Variants in XKR6 observed in about 807,000 individuals in gnomAD.
XKR6 encodes the protein XK related 6.
In XKR6, 22 loss-of-function variants were observed where a neutral mutation model predicts 56.7. The observed-to-expected ratio is 0.39, with a 90% confidence interval of 0.28 to 0.55. The LOEUF (loss-of-function observed/expected upper bound fraction) is 0.55. Among genes scored for constraint, XKR6 ranks in the 20% least tolerant of loss-of-function variants. The probability of loss-of-function intolerance (pLI) is 0.66; values close to 1 mark genes in which losing one functional copy is unlikely to be tolerated. For missense variants in XKR6, 852 were observed against 889.0 expected, an observed-to-expected ratio of 0.96 and a Z score of 0.53; for synonymous variants, 524 against 387.8, an observed-to-expected ratio of 1.35 and a Z score of -4.13.
At chr8:11,181,791 T>C (rs1434634696) in intron 1 of XKR6, among the ~76,000 whole-genome samples, 1 of 152,240 alleles carries the variant, frequency 6.6e-6, no homozygotes, top group Non-Finnish European at 1.5e-5. Flanking sequence ...ACTTGGCATG[T>C]ATTAATTCTT....
At chr8:10,942,741 C>A (rs544286927) in intron 1 of XKR6, among the ~76,000 whole-genome samples, 46 of 152,364 alleles carry the variant, frequency 3.0e-4, no homozygotes, top group African/African-American at 1.1e-3. Flanking sequence ...GATGCCCCAA[C>A]TTGCCAATCA....
intron 1 of XKR6, among the ~76,000 whole-genome samples, chr8:11,088,597 C>G (rs1195519536): frequency 1.3e-5 from 2 of 152,158 alleles, no homozygotes; most frequent in African/African-American, 4.8e-5. Context: ...GTGACAAAGA[C>G]AAGAGGGAGT....
chr8:11,082,902 C>T (rs1797771447), intron 1 of XKR6, among the ~76,000 whole-genome samples: 1 of 152,218 alleles, frequency 6.6e-6, no homozygotes, highest in South Asian at 2.1e-4. Context: ...TCAAGTATTT[C>T]TATTATTTCT....
chr8:10,989,115 G>C (rs891586976), intron 1 of XKR6, among the ~76,000 whole-genome samples: 3 of 152,362 alleles, frequency 2.0e-5, no homozygotes, highest in African/African-American at 7.2e-5. Context: ...CTGCAGCCTA[G>C]GAAGGGCATG....
chr8:11,006,001 G>A (rs1249481816), intron 1 of XKR6, among the ~76,000 whole-genome samples: 2 of 151,766 alleles, frequency 1.3e-5, no homozygotes, highest in Non-Finnish European at 2.9e-5. Context: ...CCGCTACCAC[G>A]CCTGGATAAT....
At chr8:10,977,318 A>G (rs1453128433) in intron 1 of XKR6, among the ~76,000 whole-genome samples, 2 of 152,014 alleles carry the variant, frequency 1.3e-5, no homozygotes, top group Non-Finnish European at 2.9e-5. Flanking sequence ...GGTCTCCCCC[A>G]TCCCAGGGAC....
chr8:10,943,871 C>G, intron 1 of XKR6, among the ~76,000 whole-genome samples: 1 of 152,092 alleles, frequency 6.6e-6, no homozygotes. Flanking sequence ...ATCTGCGAGC[C>G]CCATTTTACA....
intron 2 of XKR6, among the ~76,000 whole-genome samples, chr8:10,922,499 C>G (rs767444560): frequency 6.6e-6 from 1 of 152,244 alleles, no homozygotes; most frequent in Non-Finnish European, 1.5e-5. Context: ...AGCAAGAATG[C>G]GCATTTCAAA....
intron 1 of XKR6, among the ~76,000 whole-genome samples, chr8:11,049,071 T>C (rs911097491): frequency 1.4e-4 from 22 of 152,176 alleles, no homozygotes; most frequent in African/African-American, 4.8e-4. Flanking sequence ...CCTGCTGAAG[T>C]GGCTGGCCTT....
intron 1 of XKR6, among the ~76,000 whole-genome samples, chr8:11,050,321 T>C (rs1406763861): frequency 2.0e-5 from 3 of 152,030 alleles, no homozygotes; most frequent in Non-Finnish European, 4.4e-5. Context: ...TCACATTAAG[T>C]CCTGGTTGGA....
At position 11,030,884 on chromosome 8, in the gene XKR6, C is replaced by G. The variant is rs149932698; in HGVS notation, c.765-106054G>C. 2.2e-4 allele frequency among the ~76,000 whole-genome samples: 34 copies of G among 152,326 alleles called. No homozygotes were observed. In the East Asian group the frequency reaches 6.6e-3, roughly 29 times the overall value. On this transcript the variant is annotated intron_variant, in intron 1 of 2. Transcript: ENST00000416569. ...CCTCATTGACCACCTATGTCACTAC[C>G]ATTCAATAAATGTGGTATTTGTTAC...
At position 11,093,396 on chromosome 8, in the gene XKR6, C is replaced by CTTTTAT. The variant is rs368572410; in HGVS notation, c.764+107179_764+107180insATAAAA. On this transcript the variant is annotated intron_variant, in intron 1 of 2. Transcript: ENST00000416569. ...GCCCAGCTTTTATCTCAAGTCAAAG[C>CTTTTAT]CTCACCCACTGCCCTTAGCACGAAG... Among the ~76,000 whole-genome samples the CTTTTAT allele has an allele frequency of 6.1e-3, 933 of 152,242 alleles. 7 individuals are homozygous for CTTTTAT. The highest frequency in any genetic ancestry group is 0.021 in the African/African-American group (883 of 41,544).
At position 11,003,752 on chromosome 8, in the gene XKR6, C is replaced by T. The variant is rs148366225; in HGVS notation, c.765-78922G>A. ...CCCTCTTTCTGTCATTCCAAGCTGT[C>T]TCCATCAACAAATAATTATGCTAAC... On this transcript the variant is annotated intron_variant, in intron 1 of 2. Coordinates refer to ENST00000416569, the MANE Select transcript of XKR6 (RefSeq NM_173683.4). Among the ~76,000 whole-genome samples, 576 of 152,302 alleles carry T rather than the reference C, an allele frequency of 3.8e-3. 3 individuals carry two copies. The highest frequency in any genetic ancestry group is 0.013 in the African/African-American group (551 of 41,552).
At chr8:11,139,244 T>C (rs1800559448) in intron 1 of XKR6, among the ~76,000 whole-genome samples, 1 of 152,202 alleles carries the variant, frequency 6.6e-6, no homozygotes, top group African/African-American at 2.4e-5. Context: ...TAATTTTCTC[T>C]AAATGAAATA....
Position 11,201,127 on chromosome 8 carries a change from G to A in XKR6, c.213C>T (p.Ser71=), listed in dbSNP as rs1273310986. The A allele has an allele frequency of 1.5e-5, 22 of 1,510,976 alleles. No individual in the cohort carries two copies. In the East Asian group the frequency reaches 1.6e-4, roughly 11 times the overall value. 93.6% of individuals were successfully genotyped at this position (1,510,976 alleles called of 1,614,324 possible). A position where few individuals can be genotyped will look rare whatever the true frequency, so the allele number is the denominator to read the frequency against. ...TGCCCAGGAGGGAGCGCAGGCAGGC[G>A]GAGCGGCAGCCCCAGTAGCACGAGG... ...NTSSCYWGCR[S]ACLRSLLGRK... Residue 71 remains serine, a synonymous_variant, in exon 1 of 3, where the codon TCC becomes TCT. Transcript: ENST00000416569.
chr8:11,059,564 G>A (rs1312447038), intron 1 of XKR6, among the ~76,000 whole-genome samples: 2 of 151,906 alleles, frequency 1.3e-5, no homozygotes, highest in Admixed American at 6.6e-5. Context: ...ACAAGAGCTC[G>A]GCTCCTCTTC....
chr8:10,997,049 T>C (rs1798129474), intron 1 of XKR6, among the ~76,000 whole-genome samples: 1 of 152,180 alleles, frequency 6.6e-6, no homozygotes, highest in Non-Finnish European at 1.5e-5. Context: ...CACACACACA[T>C]GTACGCCACA....
chr8:11,117,531 T>C (rs1235186395), intron 1 of XKR6, among the ~76,000 whole-genome samples: 1 of 152,214 alleles, frequency 6.6e-6, no homozygotes, highest in Non-Finnish European at 1.5e-5. Context: ...TCTATCTTCA[T>C]TCCTTAAGCC....
intron 1 of XKR6, among the ~76,000 whole-genome samples, chr8:11,014,667 A>C (rs79778102): frequency 6.6e-6 from 1 of 152,194 alleles, no homozygotes; most frequent in Non-Finnish European, 1.5e-5. Flanking sequence ...GGATCACTCA[A>C]CACAGATATG....
Sources: allele counts gnomAD v4.1 joint callset (sites outside exome capture counted in the v4.1 genomes callset), GRCh38; gene constraint gnomAD v4.1.1; transcripts MANE v1.5; gene names NCBI Gene and HGNC (gene_info 2026-07-23, HGNC 2026-07-21).